The following PRIM2 variants were observed in gnomAD, a reference collection of about 807,000 sequenced individuals.
PRIM2 encodes DNA primase subunit 2.
PRIM2 carries 39 observed loss-of-function variants against 67.3 expected under a neutral mutation model. That is an observed-to-expected ratio of 0.58 (90% confidence interval 0.45 to 0.76). The LOEUF (loss-of-function observed/expected upper bound fraction) is 0.76, where lower values mean the gene tolerates loss of function less well. PRIM2 is among the 30% of genes least tolerant of loss of function. The pLI is 0.00. For missense variants in PRIM2, 398 were observed against 598.7 expected (o/e 0.66, Z 3.50); for synonymous variants, 143 against 198.7 (o/e 0.72, Z 2.36).
chr6:57,336,476 T>C (rs1384748747), intron 5 of PRIM2, among the ~76,000 whole-genome samples: 3 of 152,138 alleles, frequency 2.0e-5, no homozygotes, highest in Non-Finnish European at 2.9e-5. Flanking sequence ...TGGGTTACCC[T>C]CAAAGGGAAG....
At chr6:57,600,674 T>G (rs1374739188) in intron 10 of PRIM2, among the ~76,000 whole-genome samples, 1 of 152,014 alleles carries the variant, frequency 6.6e-6, no homozygotes, top group Non-Finnish European at 1.5e-5. Flanking sequence ...ACTATTTTAA[T>G]AGGCATTTAG....
At chr6:57,519,756 T>A (rs1309420132) in intron 8 of PRIM2, among the ~76,000 whole-genome samples, 4 of 152,162 alleles carry the variant, frequency 2.6e-5, no homozygotes, top group Non-Finnish European at 5.9e-5. Flanking sequence ...ATCACAAGGG[T>A]ATTGATTGGG....
At chr6:57,365,480 C>G (rs1417980442) in intron 5 of PRIM2, among the ~76,000 whole-genome samples, 2 of 151,942 alleles carry the variant, frequency 1.3e-5, no homozygotes, top group Non-Finnish European at 2.9e-5. Flanking sequence ...TGTTTTTTAT[C>G]TTTTGATGAA....
At chr6:57,285,908 G>A in the PRIM2 span, among the ~76,000 whole-genome samples, 2 of 152,182 alleles carry the variant, frequency 1.3e-5, no homozygotes, top group Non-Finnish European at 2.9e-5. Flanking sequence ...CTTTGGCAAA[G>A]TCTTGGGATA....
intron 10 of PRIM2, among the ~76,000 whole-genome samples, chr6:57,577,649 A>T (rs1167702120): frequency 6.6e-5 from 10 of 151,954 alleles, no homozygotes; most frequent in Admixed American, 1.3e-4. Context: ...GACTGGTCTC[A>T]AACTCCTGAC....
chr6:57,576,442 T>C (rs1487556389), intron 10 of PRIM2, among the ~76,000 whole-genome samples: 1 of 152,186 alleles, frequency 6.6e-6, no homozygotes, highest in East Asian at 1.9e-4. Context: ...ACAGATAACC[T>C]GAAGCCAGAC....
At chr6:57,236,604 C>T in the PRIM2 span, among the ~76,000 whole-genome samples, 2 of 152,088 alleles carry the variant, frequency 1.3e-5, no homozygotes, top group South Asian at 2.1e-4. Flanking sequence ...TGTGATGTTC[C>T]CCTTCCTGTG....
chr6:57,314,819 G>A (rs1767449552), upstream of PRIM2: 1 of 152,206 alleles, frequency 6.6e-6, no homozygotes, highest in Admixed American at 6.5e-5. Context: ...TACTGAACAT[G>A]GCTGCTGAAA....
intron 11 of PRIM2, among the ~76,000 whole-genome samples, chr6:57,605,089 G>A (rs1459621296): frequency 1.3e-5 from 2 of 152,202 alleles, no homozygotes; most frequent in African/African-American, 2.4e-5. Flanking sequence ...ATTTGCATAT[G>A]TTGAGTCAGA....
chr6:57,317,740 C>T (rs1328212233), intron 1 of PRIM2, 39 bp downstream of exon 1: 1 of 152,682 alleles, frequency 6.5e-6, no homozygotes, highest in Non-Finnish European at 1.5e-5. Flanking sequence ...AGAGAGCAAT[C>T]CTGTTATTAA....
At chr6:57,338,127 C>G (rs986560950) in intron 5 of PRIM2, among the ~76,000 whole-genome samples, 2 of 151,546 alleles carry the variant, frequency 1.3e-5, no homozygotes, top group Non-Finnish European at 1.5e-5. Flanking sequence ...GTAAATTCCT[C>G]GACACATACA....
At chr6:57,288,228 G>A in the PRIM2 span, among the ~76,000 whole-genome samples, 3 of 152,186 alleles carry the variant, frequency 2.0e-5, no homozygotes, top group South Asian at 4.1e-4. Context: ...GGGAGGGGGT[G>A]TCTGCCATTG....
intron 5 of PRIM2, among the ~76,000 whole-genome samples, chr6:57,350,165 G>A (rs1768814659): frequency 6.6e-6 from 1 of 152,122 alleles, no homozygotes; most frequent in Non-Finnish European, 1.5e-5. Flanking sequence ...GGGATATTCA[G>A]TTCTTTCTAT....
chr6:57,264,464 AC>A, the PRIM2 span, among the ~76,000 whole-genome samples: 2 of 152,032 alleles, frequency 1.3e-5, no homozygotes, highest in African/African-American at 4.8e-5. Flanking sequence ...CAAATACTCA[AC>A]CCATTATTTC....
intron 10 of PRIM2, among the ~76,000 whole-genome samples, chr6:57,578,681 T>G (rs1262208578): frequency 1.5e-5 from 2 of 136,068 alleles, no homozygotes; most frequent in East Asian, 2.0e-4. Flanking sequence ...TTTTTGTTTT[T>G]TTTTTTTTTT....
intron 13 of PRIM2, among the ~76,000 whole-genome samples, chr6:57,643,558 T>C (rs1161880823): frequency 1.3e-5 from 2 of 152,248 alleles, no homozygotes; most frequent in Non-Finnish European, 2.9e-5. Context: ...TTTTACAAAC[T>C]GTAAAGCCTT....
chr6:57,306,477 A>T, the PRIM2 span, among the ~76,000 whole-genome samples: 1 of 152,182 alleles, frequency 6.6e-6, no homozygotes, highest in African/African-American at 2.4e-5. Flanking sequence ...TGACTCAGTA[A>T]AAAGGACCTT....
the PRIM2 span, among the ~76,000 whole-genome samples, chr6:57,286,317 A>G: frequency 2.6e-5 from 4 of 152,360 alleles, no homozygotes; most frequent in Non-Finnish European, 1.5e-5. Flanking sequence ...CTAAGCAAAA[A>G]GAACAAAGCT....
chr6:57,637,748 G>T (rs1434187864), intron 13 of PRIM2, among the ~76,000 whole-genome samples: 2 of 152,150 alleles, frequency 1.3e-5, no homozygotes, highest in Non-Finnish European at 2.9e-5. Context: ...AGAAATAGGG[G>T]ACTATGTGAA....
Sources: gnomAD v4.1 joint callset for allele counts (sites outside exome capture counted in the v4.1 genomes callset) on GRCh38, gnomAD v4.1.1 for gene constraint, MANE v1.5 for transcripts, NCBI Gene and HGNC (gene_info 2026-07-23, HGNC 2026-07-21) for gene names.